TSPAN1: variants seen among roughly 807,000 people sequenced by gnomAD.
TSPAN1 encodes the protein tetraspanin 1.
In TSPAN1, 23 loss-of-function variants were observed where a neutral mutation model predicts 26.9. That is an observed-to-expected ratio of 0.85 (90% CI 0.62 to 1.21). The LOEUF (loss-of-function observed/expected upper bound fraction) is 1.21, where lower values mean the gene tolerates loss of function less well. TSPAN1 is among the 50% of genes most tolerant of loss of function. The pLI is 0.00. For missense variants in TSPAN1, 283 were observed against 298.4 expected, an observed-to-expected ratio of 0.95 and a Z score of 0.38; for synonymous variants, 115 against 114.8, an observed-to-expected ratio of 1.00 and a Z score of -0.01.
At chr1:46,183,668 C>A in intron 3 of TSPAN1, 1 of 170,956 alleles carries the variant, frequency 5.8e-6, no homozygotes, top group South Asian at 1.4e-4. Flanking sequence ...TGGAGGGGAG[C>A]CAAATGGGGC....
At chr1:46,177,705 G>A (rs1048030314) in intron 1 of TSPAN1, among the ~76,000 whole-genome samples, 1 of 152,224 alleles carries the variant, frequency 6.6e-6, no homozygotes, top group Non-Finnish European at 1.5e-5. Flanking sequence ...GGAAATACGT[G>A]TGTTGGACGG....
At chr1:46,189,201 G>A, downstream of TSPAN1, 1 of 1,559,934 alleles carries the variant, frequency 6.4e-7, no homozygotes, top group Middle Eastern at 1.7e-4. Flanking sequence ...AAATCCTACA[G>A]GATGGAGGGA....
At chr1:46,191,015 A>C in the TSPAN1 span, 276 of 514,540 alleles carry the variant, frequency 5.4e-4, no homozygotes, top group Admixed American at 8.1e-4. Flanking sequence ...GGCAGCTCAC[A>C]CTACTGCACC....
chr1:46,189,584 G>A (rs1209878503), downstream of TSPAN1: 11 of 1,603,212 alleles, frequency 6.9e-6, no homozygotes, highest in African/African-American at 2.7e-5. Context: ...AGGGTGGGAT[G>A]GAGACAGAGA....
downstream of TSPAN1, chr1:46,188,902 G>A (rs772549621): frequency 6.2e-7 from 1 of 1,612,818 alleles, no homozygotes; most frequent in East Asian, 2.2e-5. Flanking sequence ...AGCCCAAAAA[G>A]AAATCCAGGC....
the TSPAN1 span, chr1:46,194,820 G>GT: frequency 1.2e-6 from 2 of 1,613,902 alleles, no homozygotes; most frequent in Non-Finnish European, 8.5e-7. Context: ...ATACTACAGA[G>GT]TGGATGGCCT....
chr1:46,184,517 T>TG, intron 4 of TSPAN1, 77 bp from the exon 5 acceptor site: 1 of 1,593,560 alleles, frequency 6.3e-7, no homozygotes, highest in Non-Finnish European at 8.6e-7. Flanking sequence ...GTCTCACTTT[T>TG]CCGGGGGGGG....
At chr1:46,194,774 C>A in the TSPAN1 span, 19 of 1,613,452 alleles carry the variant, frequency 1.2e-5, no homozygotes, top group Non-Finnish European at 1.4e-5. Flanking sequence ...CCCACCCCAC[C>A]CCATCTCCTA....
downstream of TSPAN1, chr1:46,189,465 G>A (rs1203309638): frequency 3.7e-6 from 6 of 1,613,504 alleles, no homozygotes; most frequent in Middle Eastern, 4.9e-4. Context: ...CACGAGTAGG[G>A]GGAAGCCGGG....
At chr1:46,191,993 A>C in the TSPAN1 span, 1 of 1,465,484 alleles carries the variant, frequency 6.8e-7, no homozygotes, top group Non-Finnish European at 9.4e-7. Flanking sequence ...TCTTTCCCCA[A>C]GGTTACATGG....
the TSPAN1 span, chr1:46,193,256 A>C: frequency 6.2e-6 from 10 of 1,614,094 alleles, no homozygotes; most frequent in Non-Finnish European, 8.5e-6. Flanking sequence ...GCTTTAGGGT[A>C]GAAGGCAGAG....
At chr1:46,192,115 T>C in the TSPAN1 span, 3 of 1,613,994 alleles carry the variant, frequency 1.9e-6, no homozygotes, top group African/African-American at 2.7e-5. Flanking sequence ...TAGCCATTCA[T>C]GTTGAGGCCG....
chr1:46,193,838 C>G, the TSPAN1 span: 1 of 1,613,692 alleles, frequency 6.2e-7, no homozygotes, highest in Non-Finnish European at 8.5e-7. Flanking sequence ...CTGGGTATAG[C>G]CCATTCCCAG....
the TSPAN1 span, chr1:46,195,041 A>C: frequency 8.0e-7 from 1 of 1,247,980 alleles, no homozygotes; most frequent in Non-Finnish European, 1.2e-6. Flanking sequence ...ACTATGTAGC[A>C]ACCTTTTACT....
the TSPAN1 span, chr1:46,192,954 G>A: frequency 3.0e-5 from 48 of 1,614,130 alleles, no homozygotes; most frequent in Non-Finnish European, 4.1e-5. Flanking sequence ...AGCAAACTTG[G>A]CCTCCTAGAA....
At chr1:46,193,374 C>G in the TSPAN1 span, 1 of 1,612,866 alleles carries the variant, frequency 6.2e-7, no homozygotes, top group Non-Finnish European at 8.5e-7. Context: ...ACAGTGCCAC[C>G]ACATCCATGG....
the TSPAN1 span, chr1:46,195,056 A>G: frequency 9.5e-7 from 1 of 1,055,514 alleles, no homozygotes; most frequent in Non-Finnish European, 1.5e-6. Flanking sequence ...TTTACTTAAA[A>G]TAGCTCATTA....
intron 1 of TSPAN1, among the ~76,000 whole-genome samples, chr1:46,177,456 T>C (rs568447544): frequency 2.6e-5 from 4 of 152,162 alleles, no homozygotes; most frequent in Admixed American, 2.6e-4. Flanking sequence ...TGAATGAAAC[T>C]TATCTAAAGC....
the TSPAN1 span, chr1:46,193,219 G>C: frequency 1.9e-6 from 3 of 1,614,194 alleles, no homozygotes; most frequent in Admixed American, 1.7e-5. Flanking sequence ...TGTAGTGCTG[G>C]GAGTGGGGTG....
Sources: gnomAD v4.1 joint callset for allele counts (sites outside exome capture counted in the v4.1 genomes callset) on GRCh38, gnomAD v4.1.1 for gene constraint, MANE v1.5 for transcripts, NCBI Gene and HGNC (gene_info 2026-07-23, HGNC 2026-07-21) for gene names.